The following ANKS1B variants were observed in gnomAD, a reference collection of about 807,000 sequenced individuals.
ANKS1B encodes ankyrin repeat and sterile alpha motif domain-containing protein 1B.
Under a neutral mutation model 148.3 loss-of-function variants are expected in ANKS1B, and 36 were observed. The ratio of observed to expected loss-of-function variants is 0.24; its 90% CI spans 0.19 to 0.32. The LOEUF (loss-of-function observed/expected upper bound fraction) is 0.32. Ranked by LOEUF, ANKS1B falls within the 10% of genes least tolerant of loss-of-function variation. ANKS1B has a pLI of 1.00. For missense variants in ANKS1B, 1,157 were observed against 1,542.6 expected, an observed-to-expected ratio of 0.75 and a Z score of 4.19; for synonymous variants, 542 against 560.8, an observed-to-expected ratio of 0.97 and a Z score of 0.47.
intron 1 of ANKS1B, among the ~76,000 whole-genome samples, chr12:99,898,595 C>T (rs1423447261): frequency 6.6e-6 from 1 of 152,124 alleles, no homozygotes; most frequent in Non-Finnish European, 1.5e-5. Flanking sequence ...TCCTCTTCTT[C>T]CTATTTTGGC....
rs768724100 is a variant in ANKS1B at position 99,477,936 on chromosome 12, G to C, written c.1438+26540C>G. 1.9e-4 allele frequency among the ~76,000 whole-genome samples: 29 copies of C among 152,136 alleles called. 1 individual carries two copies. Among genetic ancestry groups the C allele is most frequent in the Non-Finnish European group, 3.5e-4 (24 of 68,020 alleles). On this transcript the variant is annotated intron_variant, in intron 10 of 26. Coordinates refer to ENST00000683438, the MANE Select transcript of ANKS1B (RefSeq NM_001352186.2). ...GATGTTTGTTGCAGTTTTGTACTTA[G>C]TGGAAAATAAAAAAGTAATTCAAAA...
intron 15 of ANKS1B, among the ~76,000 whole-genome samples, chr12:99,153,561 T>C (rs541714080): frequency 2.0e-5 from 3 of 152,178 alleles, no homozygotes; most frequent in Non-Finnish European, 4.4e-5. Flanking sequence ...CTCACCTATA[T>C]GCAAAACGGT....
At chr12:99,301,688 A>G (rs2081635624) in intron 12 of ANKS1B, among the ~76,000 whole-genome samples, 2 of 152,232 alleles carry the variant, frequency 1.3e-5, no homozygotes, top group Non-Finnish European at 2.9e-5. Flanking sequence ...TCCCAAAGTC[A>G]GAAAAAGATG....
chr12:99,443,598 A>G, intron 11 of ANKS1B, 75 bp downstream of exon 11: 1 of 1,483,854 alleles, frequency 6.7e-7, no homozygotes. Context: ...CAGGCATTGC[A>G]ATATAAGTGA....
At chr12:99,508,019 C>T (rs1375497969) in intron 9 of ANKS1B, among the ~76,000 whole-genome samples, 1 of 151,816 alleles carries the variant, frequency 6.6e-6, no homozygotes, top group Non-Finnish European at 1.5e-5. Flanking sequence ...TTTAACTATA[C>T]ATGTAAGTAT....
In ANKS1B at chr12:99,176,012, A is replaced by C. The variant is rs149217719; in HGVS notation, c.2420-21617T>G. Among the ~76,000 whole-genome samples the C allele has an allele frequency of 9.5e-4, 144 of 152,054 alleles. 1 individual carries two copies. Among genetic ancestry groups the C allele is most frequent in the Non-Finnish European group, 1.8e-3 (119 of 67,952 alleles). The stretch of plus-strand genomic sequence containing the variant: ...CAGGTGCCCATCACCATGCCCGGCT[A>C]ATTTTTTTGTATTTTCAGTAGAGAT... On this transcript the variant is annotated intron_variant, in intron 14 of 26. Coordinates refer to ENST00000683438, the MANE Select transcript of ANKS1B (RefSeq NM_001352186.2).
At position 99,781,063 on chromosome 12, in the gene ANKS1B, C is replaced by CAAAAAAAAAA. The variant is rs35901124; in HGVS notation, c.745+949_745+958dup. ...TATGAATTTTCCAAACACATAATTG[C>CAAAAAAAAAA]AAAAAAAAAAAAAAAAGCCAGTTTA... is the stretch of plus-strand genomic sequence containing the variant. On this transcript the variant is annotated intron_variant, in intron 5 of 26. Coordinates refer to ENST00000683438, the MANE Select transcript of ANKS1B (RefSeq NM_001352186.2). Among the ~76,000 whole-genome samples the CAAAAAAAAAA allele has an allele frequency of 5.0e-5, 6 of 120,238 alleles. 1 individual carries two copies. The highest frequency in any genetic ancestry group is 6.4e-5 in the African/African-American group (2 of 31,426). The allele number at this position is 120,238 out of a possible 152,430, so 78.9% of individuals were successfully genotyped here. A position where few individuals can be genotyped will look rare whatever the true frequency, so the allele number is the denominator to read the frequency against.
At chr12:99,850,347 C>T (rs2087578087) in intron 1 of ANKS1B, among the ~76,000 whole-genome samples, 1 of 148,648 alleles carries the variant, frequency 6.7e-6, no homozygotes, top group Admixed American at 6.7e-5. Flanking sequence ...TTCCCTGAAG[C>T]AGGCCACAAA....
chr12:99,814,626 G>A (rs2068868497), intron 2 of ANKS1B, among the ~76,000 whole-genome samples: 1 of 151,688 alleles, frequency 6.6e-6, no homozygotes, highest in Non-Finnish European at 1.5e-5. Flanking sequence ...AAGCAGATAA[G>A]GAAAGATCTG....
chr12:98,763,437 C>T (rs992726096), intron 25 of ANKS1B, among the ~76,000 whole-genome samples: 1 of 152,142 alleles, frequency 6.6e-6, no homozygotes, highest in Non-Finnish European at 1.5e-5. Flanking sequence ...GGCAAGATGA[C>T]AAATCAACTG....
intron 12 of ANKS1B, among the ~76,000 whole-genome samples, chr12:99,268,236 T>C (rs2076656402): frequency 6.6e-6 from 1 of 152,076 alleles, no homozygotes; most frequent in African/African-American, 2.4e-5. Flanking sequence ...ACAAACTCTA[T>C]AGACAGCGAT....
intron 17 of ANKS1B, among the ~76,000 whole-genome samples, chr12:98,881,208 C>T (rs986927592): frequency 1.2e-4 from 18 of 152,040 alleles, no homozygotes; most frequent in African/African-American, 3.9e-4. Flanking sequence ...TATTGTTAAA[C>T]TGTCTTATAA....
intron 17 of ANKS1B, among the ~76,000 whole-genome samples, chr12:98,915,259 A>C (rs1226056357): frequency 6.6e-6 from 1 of 152,228 alleles, no homozygotes; most frequent in Non-Finnish European, 1.5e-5. Context: ...ATGTACAGGG[A>C]GAAGATGGCC....
chr12:99,536,511 T>C (rs917209226), intron 9 of ANKS1B, among the ~76,000 whole-genome samples: 1 of 152,180 alleles, frequency 6.6e-6, no homozygotes, highest in African/African-American at 2.4e-5. Flanking sequence ...TGTGTTCCAG[T>C]GGTTGGGAAT....
chr12:99,603,322 T>C (rs890387101), intron 9 of ANKS1B, among the ~76,000 whole-genome samples: 2 of 152,116 alleles, frequency 1.3e-5, no homozygotes, highest in East Asian at 1.9e-4. Flanking sequence ...AGTATCTATA[T>C]AGTTTGGTGA....
chr12:99,521,498 T>C (rs2096874355), intron 9 of ANKS1B, among the ~76,000 whole-genome samples: 1 of 152,158 alleles, frequency 6.6e-6, no homozygotes, highest in Non-Finnish European at 1.5e-5. Context: ...TATTGTAGTC[T>C]TCGCAGTACA....
At chr12:98,785,143 C>A (rs192164372) in intron 22 of ANKS1B, among the ~76,000 whole-genome samples, 11 of 152,282 alleles carry the variant, frequency 7.2e-5, no homozygotes, top group Admixed American at 5.9e-4. Flanking sequence ...TCTTTTCATA[C>A]ATAATCTTAG....
chr12:99,312,314 A>G (rs910187916), intron 12 of ANKS1B, among the ~76,000 whole-genome samples: 2 of 152,178 alleles, frequency 1.3e-5, no homozygotes, highest in African/African-American at 2.4e-5. Flanking sequence ...TGTTCTTTTC[A>G]TTTTATCATA....
At chr12:99,578,727 T>C (rs1241509242) in intron 9 of ANKS1B, among the ~76,000 whole-genome samples, 1 of 152,140 alleles carries the variant, frequency 6.6e-6, no homozygotes, top group Admixed American at 6.5e-5. Flanking sequence ...AAACATTCCA[T>C]GCTCATGGAT....
Sources: allele counts gnomAD v4.1 joint callset (sites outside exome capture counted in the v4.1 genomes callset), GRCh38; gene constraint gnomAD v4.1.1; transcripts MANE v1.5; gene names NCBI Gene and HGNC (gene_info 2026-07-23, HGNC 2026-07-21).